ACOT1: variants seen among roughly 807,000 people sequenced by gnomAD.
ACOT1 encodes the protein acyl-coenzyme A thioesterase 1.
ACOT1 carries 8 observed loss-of-function variants against 15.7 expected under a neutral mutation model. The ratio of observed to expected loss-of-function variants is 0.51; its 90% CI spans 0.30 to 0.92. The LOEUF is 0.92. Among genes scored for constraint, ACOT1 ranks in the 40% least tolerant of loss-of-function variants. The probability of loss-of-function intolerance (pLI) is 0.06; values close to 1 mark genes in which losing one functional copy is unlikely to be tolerated. For missense variants in ACOT1, 151 were observed against 539.4 expected (o/e 0.28, Z 7.13); for synonymous variants, 67 against 241.2 (o/e 0.28, Z 6.69).
At chr14:73,491,668 C>G in the ACOT1 span, 2 of 1,549,992 alleles carry the variant, frequency 1.3e-6, 1 homozygote, top group South Asian at 2.4e-5. Context: ...CGCCAGATCA[C>G]TTTTACCGGC....
chr14:73,523,708 T>A, the ACOT1 span, among the ~76,000 whole-genome samples: 2 of 152,270 alleles, frequency 1.3e-5, no homozygotes, highest in African/African-American at 4.8e-5. Context: ...GTCCTCTACA[T>A]GAAATGGCCT....
the ACOT1 span, among the ~76,000 whole-genome samples, chr14:73,504,709 C>T: frequency 6.6e-6 from 1 of 152,132 alleles, no homozygotes; most frequent in Admixed American, 6.6e-5. Context: ...ATCAAAATGT[C>T]AGGGTTACAG....
chr14:73,514,077 C>T, the ACOT1 span: 1 of 1,614,194 alleles, frequency 6.2e-7, no homozygotes, highest in Non-Finnish European at 8.5e-7. Flanking sequence ...TCCGCAGGAC[C>T]ACCAGTTCCC....
At chr14:73,522,559 C>T in the ACOT1 span, 2 of 1,614,194 alleles carry the variant, frequency 1.2e-6, no homozygotes, top group Non-Finnish European at 1.7e-6. Flanking sequence ...ACGCTCTGGC[C>T]TCCTTCTCAG....
At chr14:73,520,764 C>T in the ACOT1 span, 1 of 1,266,498 alleles carries the variant, frequency 7.9e-7, no homozygotes, top group Admixed American at 2.0e-5. Context: ...CTTGTCCATA[C>T]CCACAACTGT....
the ACOT1 span, chr14:73,518,987 A>G: frequency 4.4e-6 from 7 of 1,590,218 alleles, no homozygotes; most frequent in African/African-American, 4.0e-5. Flanking sequence ...CATTCCCGTT[A>G]TTAACCCCTG....
the ACOT1 span, chr14:73,499,288 C>G: frequency 1.4e-6 from 1 of 708,022 alleles, no homozygotes; most frequent in Non-Finnish European, 2.6e-6. Context: ...TGAGACCAGC[C>G]TGGCCAACAT....
chr14:73,524,310 A>AAATAT, the ACOT1 span, among the ~76,000 whole-genome samples: 71 of 54,780 alleles, frequency 1.3e-3, 2 homozygotes, highest in African/African-American at 4.1e-3. Context: ...AAAAAAAAAA[A>AAATAT]ATATATATAT....
At chr14:73,513,385 G>A in the ACOT1 span, among the ~76,000 whole-genome samples, 1 of 151,902 alleles carries the variant, frequency 6.6e-6, no homozygotes, top group South Asian at 2.1e-4. Context: ...CTTGAACCTG[G>A]GAGGTAGAGG....
the ACOT1 span, chr14:73,491,795 C>G: frequency 6.3e-7 from 1 of 1,591,848 alleles, no homozygotes; most frequent in South Asian, 1.1e-5. Flanking sequence ...GCAGTTCGGC[C>G]AGCATTTGGA....
the ACOT1 span, among the ~76,000 whole-genome samples, chr14:73,501,824 G>T: frequency 6.6e-6 from 1 of 151,440 alleles, no homozygotes; most frequent in African/African-American, 2.4e-5. Context: ...CGTGATCTCC[G>T]CTCACTGCAA....
chr14:73,511,528 TAAA>T, the ACOT1 span, among the ~76,000 whole-genome samples: 2 of 98,874 alleles, frequency 2.0e-5, no homozygotes, highest in African/African-American at 3.4e-5. Context: ...CAAAAATAAA[TAAA>T]TAAATAAATA....
the ACOT1 span, among the ~76,000 whole-genome samples, chr14:73,509,809 CCCATATAT>C: frequency 0.021 from 110 of 5,188 alleles, 5 homozygotes; most frequent in Non-Finnish European, 0.023. Flanking sequence ...GCCCCATGAG[CCCATATAT>C]ATATATATAT....
the ACOT1 span, among the ~76,000 whole-genome samples, chr14:73,506,804 G>GTTTTTTTTTTTTTTTTTTGT: frequency 1.2e-5 from 1 of 80,520 alleles, no homozygotes; most frequent in East Asian, 5.8e-4. Flanking sequence ...GACTTTAACT[G>GTTTTTTTTTTTTTTTTTTGT]TTTTTTTTTT....
chr14:73,529,379 T>TAAAAA, the ACOT1 span, among the ~76,000 whole-genome samples: 1 of 116,788 alleles, frequency 8.6e-6, no homozygotes, highest in Non-Finnish European at 1.8e-5. Context: ...AAAAAAAAAT[T>TAAAAA]AAGTCAATCC....
chr14:73,496,560 T>C, the ACOT1 span: 6 of 1,243,780 alleles, frequency 4.8e-6, no homozygotes, highest in South Asian at 7.2e-5. Context: ...CTCTTGAGAG[T>C]CCTGAATTTT....
At chr14:73,506,807 T>TTTTTTTTTTTTGTTTG in the ACOT1 span, among the ~76,000 whole-genome samples, 7 of 102,220 alleles carry the variant, frequency 6.8e-5, 1 homozygote, top group Non-Finnish European at 1.2e-4. Flanking sequence ...TTTAACTGTT[T>TTTTTTTTTTTTGTTTG]TTTTTTTTTT....
the ACOT1 span, among the ~76,000 whole-genome samples, chr14:73,529,958 T>G: frequency 6.9e-6 from 1 of 144,870 alleles, no homozygotes; most frequent in Non-Finnish European, 1.5e-5. Context: ...TTAGATACAG[T>G]TTTTTGTTTA....
the ACOT1 span, among the ~76,000 whole-genome samples, chr14:73,506,804 G>GTTTTTTTTTTTTTT: frequency 4.1e-4 from 33 of 80,488 alleles, 5 homozygotes; most frequent in African/African-American, 9.8e-4. Context: ...GACTTTAACT[G>GTTTTTTTTTTTTTT]TTTTTTTTTT....
Sources: gnomAD v4.1 joint callset for allele counts (sites outside exome capture counted in the v4.1 genomes callset) on GRCh38, gnomAD v4.1.1 for gene constraint, MANE v1.5 for transcripts, NCBI Gene and HGNC (gene_info 2026-07-23, HGNC 2026-07-21) for gene names.